Variants in IL1RAPL2 observed in about 807,000 individuals in gnomAD.
IL1RAPL2 encodes interleukin 1 receptor accessory protein like 2, also known as X-linked interleukin-1 receptor accessory protein-like 2.
In IL1RAPL2, 3 loss-of-function variants were observed where a neutral mutation model predicts 44.1. The observed-to-expected ratio is 0.07, with a 90% CI of 0.03 to 0.18. The LOEUF is 0.18. IL1RAPL2 is among the 10% of genes least tolerant of loss of function. IL1RAPL2 has a pLI of 1.00. For synonymous variants in IL1RAPL2, 181 were observed against 178.8 expected (o/e 1.01, Z -0.10); for missense variants, 391 against 496.4 (o/e 0.79, Z 2.02).
intron 2 of IL1RAPL2, among the ~76,000 whole-genome samples, chrX:104,908,413 T>A (rs1463456805): frequency 8.9e-6 from 1 of 111,810 alleles, no homozygotes; most frequent in Non-Finnish European, 1.9e-5. Flanking sequence ...GGTCTTTACA[T>A]TTTGGCGTGA....
chrX:105,300,903 T>C (rs762013523), intron 5 of IL1RAPL2, among the ~76,000 whole-genome samples: 1 of 111,791 alleles, frequency 8.9e-6, no homozygotes, highest in Admixed American at 9.5e-5. Flanking sequence ...AAAGTATGCT[T>C]GCAGTTACTC....
chrX:105,390,996 C>T (rs1358767126), intron 5 of IL1RAPL2, among the ~76,000 whole-genome samples: 1 of 111,793 alleles, frequency 8.9e-6, no homozygotes, highest in African/African-American at 3.2e-5. Flanking sequence ...GCATGCAAAA[C>T]ACTTTTACAG....
intron 6 of IL1RAPL2, among the ~76,000 whole-genome samples, chrX:105,631,854 G>A (rs1473315107): frequency 9.0e-6 from 1 of 111,267 alleles, no homozygotes; most frequent in Admixed American, 9.6e-5. Context: ...TTGACTTAAC[G>A]AATCCAGCAG....
At chrX:104,934,643 A>G (rs1235861243) in intron 2 of IL1RAPL2, among the ~76,000 whole-genome samples, 1 of 111,679 alleles carries the variant, frequency 9.0e-6, no homozygotes, top group African/African-American at 3.2e-5. Flanking sequence ...AAACAACTAA[A>G]GCCATAATGA....
At chrX:105,191,620 C>A (rs2033633767) in intron 2 of IL1RAPL2, among the ~76,000 whole-genome samples, 2 of 112,123 alleles carry the variant, frequency 1.8e-5, no homozygotes, top group African/African-American at 6.5e-5. Context: ...TAAAAACCTG[C>A]AATTGTTCTT....
chrX:104,721,129 C>G (rs1255951623), intron 2 of IL1RAPL2, among the ~76,000 whole-genome samples: 2 of 111,409 alleles, frequency 1.8e-5, no homozygotes, highest in East Asian at 5.7e-4. Flanking sequence ...GGCAATTCCT[C>G]AAAGATCTAG....
chrX:105,368,157 A>C (rs2035309925), intron 5 of IL1RAPL2, among the ~76,000 whole-genome samples: 1 of 111,152 alleles, frequency 9.0e-6, no homozygotes, highest in South Asian at 3.8e-4. Flanking sequence ...CTTCTCTGGC[A>C]GGAATTTCTC....
chrX:105,524,110 G>A (rs764761181), intron 6 of IL1RAPL2, among the ~76,000 whole-genome samples: 2 of 111,425 alleles, frequency 1.8e-5, no homozygotes, highest in Non-Finnish European at 3.8e-5. Context: ...CGGCTCAAAG[G>A]CCTCACTTAA....
chrX:105,674,161 T>A (rs1337751223), intron 6 of IL1RAPL2, among the ~76,000 whole-genome samples: 1 of 112,230 alleles, frequency 8.9e-6, no homozygotes, highest in Non-Finnish European at 1.9e-5. Flanking sequence ...TGTGCAAAGC[T>A]CCTTAGTTTA....
chrX:105,253,795 T>C (rs755053947), intron 4 of IL1RAPL2, among the ~76,000 whole-genome samples: 3 of 111,987 alleles, frequency 2.7e-5, no homozygotes, highest in African/African-American at 9.7e-5. Flanking sequence ...AGTGAGAACA[T>C]GTGGTATGTG....
At chrX:104,862,324 C>A (rs752130328) in intron 2 of IL1RAPL2, among the ~76,000 whole-genome samples, 1 of 110,445 alleles carries the variant, frequency 9.1e-6, no homozygotes, top group South Asian at 3.9e-4. Flanking sequence ...CTTCCTCCCT[C>A]CCCTGCCCCC....
intron 6 of IL1RAPL2, among the ~76,000 whole-genome samples, chrX:105,691,027 C>T (rs985760117): frequency 9.0e-6 from 1 of 111,209 alleles, no homozygotes; most frequent in East Asian, 2.9e-4. Flanking sequence ...ACAGTCCTAT[C>T]AGATCAGGGC....
chrX:105,012,686 G>C (rs1411501071), intron 2 of IL1RAPL2, among the ~76,000 whole-genome samples: 1 of 105,696 alleles, frequency 9.5e-6, no homozygotes, highest in African/African-American at 3.5e-5. Context: ...GAGAGAGAGA[G>C]AGAGAATAAT....
intron 2 of IL1RAPL2, among the ~76,000 whole-genome samples, chrX:105,028,329 C>A (rs1022980674): frequency 9.0e-6 from 1 of 111,005 alleles, no homozygotes; most frequent in Non-Finnish European, 1.9e-5. Context: ...AACTACAAGA[C>A]TGTAATTAGA....
chrX:105,210,805 ATGACAG>A (rs1244551787), intron 3 of IL1RAPL2, among the ~76,000 whole-genome samples: 2 of 111,446 alleles, frequency 1.8e-5, no homozygotes, highest in Non-Finnish European at 3.8e-5. Context: ...TCCCAGGGCC[ATGACAG>A]CTTCTTAGTC....
intron 5 of IL1RAPL2, among the ~76,000 whole-genome samples, chrX:105,418,083 A>C (rs2035747047): frequency 9.0e-6 from 1 of 111,346 alleles, no homozygotes; most frequent in Non-Finnish European, 1.9e-5. Flanking sequence ...TAGTACATTA[A>C]ATCATAATTA....
At chrX:105,509,997 C>T (rs1281864489) in intron 6 of IL1RAPL2, among the ~76,000 whole-genome samples, 1 of 109,174 alleles carries the variant, frequency 9.2e-6, no homozygotes, top group East Asian at 2.9e-4. Context: ...TTAGTAAGAC[C>T]CCTATCTCTA....
intron 6 of IL1RAPL2, among the ~76,000 whole-genome samples, chrX:105,516,503 G>C (rs1382129871): frequency 9.0e-6 from 1 of 111,695 alleles, no homozygotes; most frequent in Non-Finnish European, 1.9e-5. Flanking sequence ...ACTTTTAGAA[G>C]GTCAGTGAAA....
At chrX:104,604,508 T>A (rs761541366) in intron 1 of IL1RAPL2, among the ~76,000 whole-genome samples, 1 of 109,777 alleles carries the variant, frequency 9.1e-6, no homozygotes, top group Non-Finnish European at 1.9e-5. Flanking sequence ...AGACACAGAC[T>A]GGCATATTGG....
Sources: allele counts gnomAD v4.1 joint callset (sites outside exome capture counted in the v4.1 genomes callset), GRCh38; gene constraint gnomAD v4.1.1; transcripts MANE v1.5; gene names NCBI Gene and HGNC (gene_info 2026-07-23, HGNC 2026-07-21).